NR2F6: variants seen among roughly 807,000 people sequenced by gnomAD.
The protein encoded by NR2F6 is ERBA-related gene-2.
In NR2F6, 16 loss-of-function variants were observed where a neutral mutation model predicts 26.5. The observed-to-expected ratio is 0.60, with a 90% confidence interval of 0.41 to 0.92. NR2F6 has a LOEUF of 0.92. Among genes scored for constraint, NR2F6 ranks in the 40% least tolerant of loss-of-function variants. The pLI, the probability that NR2F6 is intolerant of heterozygous loss-of-function variation, is 0.00. For synonymous variants in NR2F6, 325 were observed against 305.0 expected, an observed-to-expected ratio of 1.07 and a Z score of -0.68; for missense variants, 536 against 631.7, an observed-to-expected ratio of 0.85 and a Z score of 1.62.
Position 17,232,143 on chromosome 19 carries a change from G to A in NR2F6, c.*209C>T. 1 of 697,192 alleles carries A rather than the reference G, an allele frequency of 1.4e-6. No homozygotes were observed. The allele number at this position is 697,192 out of a possible 1,614,324, so 43.2% of individuals were successfully genotyped here. A position where few individuals can be genotyped will look rare whatever the true frequency, so the allele number is the denominator to read the frequency against. On this transcript the variant is annotated 3_prime_UTR_variant, in exon 4 of 4. Transcript: ENST00000291442. ...CCTGGACAGGGGTCCTGGGGAGGAT[G>A]AGGCTGAGGCCTGGATGATCAGTCT... is the stretch of plus-strand genomic sequence containing the variant.
At chr19:17,244,725 G>A (rs991972809) in intron 1 of NR2F6, among the ~76,000 whole-genome samples, 3 of 152,154 alleles carry the variant, frequency 2.0e-5, no homozygotes, top group Admixed American at 1.3e-4. Context: ...AGCCTCCAGG[G>A]ACCACCTGAT....
intron 1 of NR2F6, among the ~76,000 whole-genome samples, chr19:17,241,951 G>A (rs1460954129): frequency 6.6e-6 from 1 of 151,490 alleles, no homozygotes; most frequent in Non-Finnish European, 1.5e-5. Context: ...GGGAGGTGGA[G>A]GTTGCAGTGA....
chr19:17,236,468 C>T (rs1372436665), intron 2 of NR2F6, among the ~76,000 whole-genome samples: 1 of 152,032 alleles, frequency 6.6e-6, no homozygotes, highest in Non-Finnish European at 1.5e-5. Flanking sequence ...CCAGGAGTCC[C>T]TGTCTAGGTC....
intron 2 of NR2F6, among the ~76,000 whole-genome samples, chr19:17,238,138 G>A (rs79276555): frequency 1.2e-4 from 18 of 152,218 alleles, no homozygotes; most frequent in African/African-American, 3.1e-4. Context: ...TCTCAAAAAC[G>A]ATGTCACCAA....
At chr19:17,239,648 A>T (rs2883273) in intron 2 of NR2F6, among the ~76,000 whole-genome samples, 3 of 150,596 alleles carry the variant, frequency 2.0e-5, no homozygotes, top group African/African-American at 7.3e-5. Context: ...AGCAAGACTC[A>T]GTCTCAGAAA....
At chr19:17,241,178 C>A (rs954442758) in intron 1 of NR2F6, among the ~76,000 whole-genome samples, 4 of 152,122 alleles carry the variant, frequency 2.6e-5, no homozygotes, top group African/African-American at 7.2e-5. Context: ...TCATTGTCCC[C>A]AAAAAGATGT....
Position 17,235,469 on chromosome 19 carries a change from T to G in NR2F6, c.940+30A>C. On this transcript the variant is annotated intron_variant, in intron 3 of 3. Coordinates refer to ENST00000291442, the MANE Select transcript of NR2F6 (RefSeq NM_005234.4). This position sits in a 1 kb window ranked among gnomAD's most constrained non-coding sequence, Gnocchi z 5.0. ...TCCTAACCTCCCTTGGGTCCCCCCA[T>G]CCCGCGGCCCTCTTCGGAGCGTGGC... 6.4e-7 allele frequency: 1 copy of G among 1,551,414 alleles called. No homozygotes were observed. The highest frequency in any genetic ancestry group is 8.7e-7 in the Non-Finnish European group (1 of 1,154,834).
Position 17,242,697 on chromosome 19 carries a change from CG to C in NR2F6, c.279-1933del, listed in dbSNP as rs375484985. On this transcript the variant is annotated intron_variant, in intron 1 of 3. Transcript: ENST00000291442. ...GGGTGGTGGGAGGGTCCAGGGCAGC[CG>C]GGTGGAAACGGCCTGGCCTGGGGCG... 1.8e-4 allele frequency among the ~76,000 whole-genome samples: 28 copies of C among 152,288 alleles called. No homozygotes were observed. The East Asian group carries it at 5.2e-3, about 28-fold the overall frequency.
In NR2F6 at chr19:17,235,444, T is replaced by A; in HGVS notation, c.940+55A>T. On this transcript the variant is annotated intron_variant, in intron 3 of 3. Coordinates refer to ENST00000291442, the MANE Select transcript of NR2F6 (RefSeq NM_005234.4). The surrounding 1 kb of genome is among the most constrained non-coding windows in gnomAD (Gnocchi z 5.0). ...GGAGTCTGGGTCCAGGCCGCCCTCC[T>A]CCTAACCTCCCTTGGGTCCCCCCAT... The A allele has an allele frequency of 6.5e-7, 1 of 1,531,692 alleles. No homozygotes were observed. The highest frequency in any genetic ancestry group is 1.2e-5 in the South Asian group (1 of 83,976). The allele number at this position is 1,531,692 out of a possible 1,614,324, so 94.9% of individuals were successfully genotyped here.
At chr19:17,236,940 A>C (rs2073442075) in intron 2 of NR2F6, among the ~76,000 whole-genome samples, 1 of 152,230 alleles carries the variant, frequency 6.6e-6, no homozygotes, top group Non-Finnish European at 1.5e-5. Context: ...ATGAAGAGGA[A>C]GAGAGTTGGC....
At chr19:17,237,173 C>G (rs929865046) in intron 2 of NR2F6, among the ~76,000 whole-genome samples, 1 of 152,058 alleles carries the variant, frequency 6.6e-6, no homozygotes, top group East Asian at 1.9e-4. Flanking sequence ...GGTTGAAGCC[C>G]GCTCCAAGGG....
intron 2 of NR2F6, among the ~76,000 whole-genome samples, chr19:17,237,133 A>C (rs2073443200): frequency 6.6e-6 from 1 of 152,176 alleles, no homozygotes; most frequent in Non-Finnish European, 1.5e-5. Context: ...GCCAGGGGCG[A>C]ACAGAGCTAA....
At chr19:17,240,436 A>G (rs1350268271) in intron 2 of NR2F6, among the ~76,000 whole-genome samples, 1 of 152,152 alleles carries the variant, frequency 6.6e-6, no homozygotes, top group Non-Finnish European at 1.5e-5. Context: ...GGCAGCAACC[A>G]GGGGGCCACG....
rs1405481386 is a variant in NR2F6, at chr19:17,235,010, AG to A, written c.940+488del. Among the ~76,000 whole-genome samples, 3 of 152,222 alleles carry A rather than the reference AG, an allele frequency of 2.0e-5. No individual in the cohort carries two copies. The highest frequency in any genetic ancestry group is 4.4e-5 in the Non-Finnish European group (3 of 68,038). On this transcript the variant is annotated intron_variant, in intron 3 of 3. Transcript: ENST00000291442. The surrounding 1 kb of genome is among the most constrained non-coding windows in gnomAD (Gnocchi z 5.0). ...CGCCCCTCAACGGGAGGGGCCTCCG[AG>A]CCACGCCCCTACCCAGATCCCTACA...
chr19:17,234,155 G>A (rs563808450), intron 3 of NR2F6, among the ~76,000 whole-genome samples: 7 of 151,672 alleles, frequency 4.6e-5, no homozygotes, highest in Non-Finnish European at 1.0e-4. Context: ...CCAGGGAGGC[G>A]GAGGTTGCAG....
At chr19:17,236,562 G>A (rs1208900535) in intron 2 of NR2F6, among the ~76,000 whole-genome samples, 2 of 152,160 alleles carry the variant, frequency 1.3e-5, no homozygotes, top group Admixed American at 1.3e-4. Context: ...AGATAGTCAT[G>A]GGGTTCCCAG....
In NR2F6 at chr19:17,232,423, T is replaced by C. The variant is rs765130843; in HGVS notation, c.1144A>G (p.Ile382Val). ...AGCATGTCTCTGATCAGTGTCTCAATGGGCGTCTTCCCCACCAGGCGCATG... is the reference window on the plus strand; with the variant it reads ...AGCATGTCTCTGATCAGTGTCTCAACGGGCGTCTTCCCCACCAGGCGCATG... ...FFMRLVGKTP[I>V]ETLIRDMLLS... is the part of the protein sequence containing the mutation. Residue 382 changes from isoleucine to valine, a missense_variant, in exon 4 of 4, where the codon ATT becomes GTT. Transcript: ENST00000291442. 1.2e-6 allele frequency: 2 copies of C among 1,613,966 alleles called. No homozygotes were observed. The highest frequency in any genetic ancestry group is 2.2e-5 in the East Asian group (1 of 44,886).
intron 2 of NR2F6, among the ~76,000 whole-genome samples, chr19:17,238,330 G>A (rs964594966): frequency 3.9e-5 from 6 of 152,212 alleles, no homozygotes; most frequent in African/African-American, 1.2e-4. Context: ...CATTCTGGGT[G>A]TAAGCAAATT....
At chr19:17,240,884 G>A (rs2073465793) in intron 1 of NR2F6, 119 bp from the exon 2 acceptor site, 1 of 949,304 alleles carries the variant, frequency 1.1e-6, no homozygotes, top group Non-Finnish European at 1.6e-6. Context: ...CTCTAGACTG[G>A]AGAGGTAGCC....
Sources: gnomAD v4.1 joint callset for allele counts (sites outside exome capture counted in the v4.1 genomes callset) on GRCh38, gnomAD v4.1.1 for gene constraint, Gnocchi (gnomAD v3.1) non-coding constraint, MANE v1.5 for transcripts, NCBI Gene and HGNC (gene_info 2026-07-23, HGNC 2026-07-21) for gene names.